The following GLI3 variants were observed in gnomAD, a reference collection of about 807,000 sequenced individuals.
GLI3 encodes the protein GLI family zinc finger 3.
GLI3 carries 20 observed loss-of-function variants against 100.8 expected under a neutral mutation model. The ratio of observed to expected loss-of-function variants is 0.20; its 90% CI spans 0.14 to 0.29. GLI3 has a LOEUF of 0.29. GLI3 is among the 10% of genes least tolerant of loss of function. The pLI, the probability that GLI3 is intolerant of heterozygous loss-of-function variation, is 1.00. For missense variants in GLI3, 2,040 were observed against 2,128.5 expected (o/e 0.96, Z 0.82); for synonymous variants, 938 against 860.5 (o/e 1.09, Z -1.58).
intron 2 of GLI3, among the ~76,000 whole-genome samples, chr7:42,219,106 TAC>T (rs1348200717): frequency 4.6e-5 from 7 of 152,242 alleles, no homozygotes; most frequent in Non-Finnish European, 8.8e-5. Flanking sequence ...GCATTTTACT[TAC>T]AGTCTTCACA....
chr7:42,238,497 C>T (rs983254011), upstream of GLI3, among the ~76,000 whole-genome samples: 9 of 152,162 alleles, frequency 5.9e-5, no homozygotes, highest in African/African-American at 2.2e-4. Flanking sequence ...ATCCGCGAAG[C>T]GAGGAGGAGC....
chr7:42,108,110 A>G (rs981499721), intron 3 of GLI3, among the ~76,000 whole-genome samples: 1 of 152,198 alleles, frequency 6.6e-6, no homozygotes, highest in African/African-American at 2.4e-5. Context: ...GTGTGCACAC[A>G]ATGTCAAATA....
chr7:42,259,437 T>G (rs1188833853), intron 1 of GLI3, among the ~76,000 whole-genome samples: 2 of 152,212 alleles, frequency 1.3e-5, no homozygotes, highest in East Asian at 3.9e-4. Context: ...GCTCTAGCTC[T>G]AAGTCAGTTT....
intron 10 of GLI3, among the ~76,000 whole-genome samples, chr7:41,984,318 T>G (rs1009894486): frequency 1.3e-5 from 2 of 152,202 alleles, no homozygotes; most frequent in Admixed American, 1.3e-4. Context: ...AAAGGACACA[T>G]GCAGTCCATG....
chr7:42,089,621 C>G (rs1299681469), intron 3 of GLI3, among the ~76,000 whole-genome samples: 1 of 152,216 alleles, frequency 6.6e-6, no homozygotes, highest in Admixed American at 6.5e-5. Flanking sequence ...GTACACCCTT[C>G]CCATGGGAAT....
chr7:42,126,015 C>T (rs574636889), intron 3 of GLI3, among the ~76,000 whole-genome samples: 174 of 151,568 alleles, frequency 1.1e-3, no homozygotes, highest in African/African-American at 4.1e-3. Flanking sequence ...CACAAATATC[C>T]TTAAACCTGG....
chr7:42,234,209 C>T (rs1033176013), intron 1 of GLI3, among the ~76,000 whole-genome samples: 6 of 152,134 alleles, frequency 3.9e-5, no homozygotes, highest in African/African-American at 1.4e-4. Flanking sequence ...TTACTGTCTC[C>T]ATGTAAGTGA....
At chr7:42,037,359 T>C (rs972512590) in intron 7 of GLI3, among the ~76,000 whole-genome samples, 5 of 152,302 alleles carry the variant, frequency 3.3e-5, no homozygotes, top group Non-Finnish European at 5.9e-5. Flanking sequence ...CCAGATCCTC[T>C]GGTGCTACCA....
intron 4 of GLI3, among the ~76,000 whole-genome samples, chr7:42,049,664 C>A (rs1784314089): frequency 6.6e-6 from 1 of 152,242 alleles, no homozygotes; most frequent in Non-Finnish European, 1.5e-5. Flanking sequence ...CTCACACCTG[C>A]TGCCCCATAG....
chr7:42,070,113 T>A (rs1328283242), intron 4 of GLI3, among the ~76,000 whole-genome samples: 1 of 152,212 alleles, frequency 6.6e-6, no homozygotes, highest in African/African-American at 2.4e-5. Context: ...TGTGATTAAG[T>A]ATTGGTCAAC....
At chr7:42,159,758 G>T (rs1218114918) in intron 2 of GLI3, among the ~76,000 whole-genome samples, 4 of 152,158 alleles carry the variant, frequency 2.6e-5, no homozygotes, top group Admixed American at 1.3e-4. Flanking sequence ...ACGTGCATGG[G>T]CCACTTACCA....
In GLI3 at chr7:42,064,530, G is replaced by A. The variant is rs548032655; in HGVS notation, c.473+12222C>T. ...GATCATGAGAAGCCATGTGCCAACA[G>A]CACTATGTTTGAGTTTGCTGGAATT... On this transcript the variant is annotated intron_variant, in intron 4 of 14. Coordinates refer to ENST00000395925, the MANE Select transcript of GLI3 (RefSeq NM_000168.6). 2.0e-5 allele frequency among the ~76,000 whole-genome samples: 3 copies of A among 152,298 alleles called. No individual in the cohort carries two copies. In the East Asian group the frequency reaches 5.8e-4, roughly 29 times the overall value.
chr7:42,159,041 C>T (rs1446054369), intron 2 of GLI3, among the ~76,000 whole-genome samples: 2 of 152,144 alleles, frequency 1.3e-5, no homozygotes, highest in Non-Finnish European at 2.9e-5. Flanking sequence ...CATGCTGTGG[C>T]TAAATTATCT....
At chr7:42,045,622 C>A (rs1784231084) in intron 5 of GLI3, 92 bp from the exon 6 acceptor site, 4 of 1,131,130 alleles carry the variant, frequency 3.5e-6, no homozygotes, top group Middle Eastern at 2.6e-4. Context: ...ACACAACCCA[C>A]ATCAGCAATT....
intron 10 of GLI3, among the ~76,000 whole-genome samples, chr7:41,997,238 C>T (rs846271): frequency 0.5 from 75,673 of 152,038 alleles, 21,071 homozygotes; most frequent in African/African-American, 0.77. Flanking sequence ...GGTTGGAAGG[C>T]TGATAAAGAA....
intron 10 of GLI3, among the ~76,000 whole-genome samples, chr7:41,985,521 A>G (rs1160725307): frequency 2.0e-5 from 3 of 152,202 alleles, no homozygotes; most frequent in Non-Finnish European, 4.4e-5. Flanking sequence ...TTTAGGTAGT[A>G]GTCCAGAAAT....
chr7:42,022,054 G>A (rs1788957521), intron 10 of GLI3, among the ~76,000 whole-genome samples: 2 of 152,164 alleles, frequency 1.3e-5, no homozygotes, highest in Non-Finnish European at 2.9e-5. Flanking sequence ...ATCGAATTAA[G>A]TTCATGGAAA....
chr7:42,121,190 G>A (rs374061807), intron 3 of GLI3, among the ~76,000 whole-genome samples: 3 of 152,112 alleles, frequency 2.0e-5, no homozygotes, highest in Admixed American at 6.5e-5. Context: ...ATTGTTCTAC[G>A]TAATACTCCT....
At chr7:42,115,069 A>G (rs907628325) in intron 3 of GLI3, among the ~76,000 whole-genome samples, 2 of 151,934 alleles carry the variant, frequency 1.3e-5, no homozygotes, top group Non-Finnish European at 2.9e-5. Context: ...GAGAAAAGGG[A>G]AAAAAAGGGT....
Sources: gnomAD v4.1 joint callset for allele counts (sites outside exome capture counted in the v4.1 genomes callset) on GRCh38, gnomAD v4.1.1 for gene constraint, MANE v1.5 for transcripts, NCBI Gene and HGNC (gene_info 2026-07-23, HGNC 2026-07-21) for gene names.